SLC2A9: variants seen among roughly 807,000 people sequenced by gnomAD.
SLC2A9 encodes the protein solute carrier family 2, facilitated glucose transporter member 9.
SLC2A9 carries 39 observed loss-of-function variants against 50.6 expected under a neutral mutation model. The ratio of observed to expected loss-of-function variants is 0.77; its 90% CI spans 0.60 to 1.01. SLC2A9 has a LOEUF of 1.01. SLC2A9 is among the 50% of genes least tolerant of loss of function. SLC2A9 has a pLI of 0.00. For missense variants in SLC2A9, 686 were observed against 677.6 expected, an observed-to-expected ratio of 1.01 and a Z score of -0.14; for synonymous variants, 324 against 276.9, an observed-to-expected ratio of 1.17 and a Z score of -1.69.
intron 1 of SLC2A9, among the ~76,000 whole-genome samples, chr4:10,031,553 C>T (rs528326960): frequency 3.9e-5 from 6 of 152,324 alleles, no homozygotes; most frequent in African/African-American, 1.4e-4. Context: ...GAGTCTTTGA[C>T]GGCTTCCAAA....
At chr4:9,967,546 A>T (rs1019633422) in intron 5 of SLC2A9, among the ~76,000 whole-genome samples, 2 of 152,092 alleles carry the variant, frequency 1.3e-5, no homozygotes, top group African/African-American at 2.4e-5. Context: ...GTTTTTAATT[A>T]AAAAATTATA....
intron 10 of SLC2A9, among the ~76,000 whole-genome samples, chr4:9,856,347 A>T (rs1479059597): frequency 6.6e-6 from 1 of 152,234 alleles, no homozygotes; most frequent in Non-Finnish European, 1.5e-5. Flanking sequence ...ACACGCAACC[A>T]ACAATAATAA....
intron 8 of SLC2A9, among the ~76,000 whole-genome samples, chr4:9,897,414 A>G (rs897092941): frequency 9.9e-5 from 15 of 152,132 alleles, no homozygotes; most frequent in African/African-American, 2.9e-4. Context: ...CTAATCTCCT[A>G]TTCCCTAGAA....
At chr4:9,836,680 C>A (rs1727163991) in intron 10 of SLC2A9, among the ~76,000 whole-genome samples, 1 of 152,198 alleles carries the variant, frequency 6.6e-6, no homozygotes, top group Non-Finnish European at 1.5e-5. Context: ...TTGAAGAAAA[C>A]CACTTTGGGC....
chr4:9,987,411 C>A (rs1057148490), intron 3 of SLC2A9, among the ~76,000 whole-genome samples: 1 of 152,190 alleles, frequency 6.6e-6, no homozygotes, highest in East Asian at 1.9e-4. Flanking sequence ...TGAGCCACTG[C>A]GTCCGGCCTA....
intron 7 of SLC2A9, among the ~76,000 whole-genome samples, chr4:9,917,826 T>C (rs375440441): frequency 8.6e-4 from 131 of 152,298 alleles, no homozygotes; most frequent in African/African-American, 2.8e-3. Context: ...TACTGGTACC[T>C]AATGGGAAGA....
intron 7 of SLC2A9, among the ~76,000 whole-genome samples, chr4:9,917,545 G>C (rs572609908): frequency 1.3e-5 from 2 of 150,826 alleles, no homozygotes; most frequent in African/African-American, 2.4e-5. Flanking sequence ...TGGCCAGGAT[G>C]GTCTCAAACT....
rs988062308 is a variant in SLC2A9, at chr4:9,920,429, C to A, written c.958G>T (p.Val320Leu). Residue 320 changes from valine to leucine, a missense_variant, in exon 7 of 12, where the codon GTG (valine) becomes TTG (leucine). Coordinates refer to ENST00000264784, the MANE Select transcript of SLC2A9 (RefSeq NM_020041.3). Reference sequence around the variant, plus strand: ...TGGTAGCAGGCCATGGTGACAATCACGGTGACCACCTGCCAGCGGACGTAG... The same window carrying A: ...TGGTAGCAGGCCATGGTGACAATCAAGGTGACCACCTGCCAGCGGACGTAG... ...APYVRWQVVT[V>L]IVTMACYQLC... is the part of the protein sequence containing the mutation. The A allele has an allele frequency of 6.2e-7, 1 of 1,614,068 alleles. No individual in the cohort carries two copies. Among genetic ancestry groups the A allele is most frequent in the South Asian group, 1.1e-5 (1 of 91,080 alleles).
chr4:10,015,296 G>C (rs981261862), intron 2 of SLC2A9, among the ~76,000 whole-genome samples: 16 of 152,348 alleles, frequency 1.1e-4, no homozygotes, highest in Non-Finnish European at 2.1e-4. Context: ...CCTGCCATTA[G>C]TGGTCAGGGG....
At chr4:9,998,311 T>C (rs755478119) in intron 2 of SLC2A9, among the ~76,000 whole-genome samples, 3 of 148,934 alleles carry the variant, frequency 2.0e-5, no homozygotes, top group East Asian at 2.0e-4. Flanking sequence ...TTCAGGTCGC[T>C]CAGACCTGGG....
chr4:9,942,602 G>T (rs1342356710), intron 5 of SLC2A9, among the ~76,000 whole-genome samples: 1 of 152,192 alleles, frequency 6.6e-6, no homozygotes, highest in African/African-American at 2.4e-5. Flanking sequence ...TACCCCTTAG[G>T]GAGAGGAGGC....
chr4:9,926,850 C>T (rs947788152), intron 6 of SLC2A9, among the ~76,000 whole-genome samples: 9 of 152,182 alleles, frequency 5.9e-5, no homozygotes, highest in Non-Finnish European at 1.2e-4. Context: ...GATAGATACA[C>T]ACAGGGAAGG....
chr4:9,824,420 A>G (rs924597982), downstream of SLC2A9, among the ~76,000 whole-genome samples: 1 of 152,242 alleles, frequency 6.6e-6, no homozygotes, highest in Non-Finnish European at 1.5e-5. Context: ...AAATAAAATA[A>G]CATGTAAGAA....
chr4:9,886,623 C>T (rs535426108), intron 10 of SLC2A9, among the ~76,000 whole-genome samples: 7 of 152,196 alleles, frequency 4.6e-5, no homozygotes, highest in African/African-American at 9.6e-5. Context: ...TAATGGCTTA[C>T]GAGAATCAGC....
chr4:9,817,963 G>A (rs1482211035), intron 3 of SLC2A9, among the ~76,000 whole-genome samples: 1 of 152,178 alleles, frequency 6.6e-6, no homozygotes, highest in African/African-American at 2.4e-5. Flanking sequence ...ATTGACCAGT[G>A]AGTACGTGGC....
At chr4:9,909,959 A>G (rs1741396519) in intron 7 of SLC2A9, among the ~76,000 whole-genome samples, 1 of 152,224 alleles carries the variant, frequency 6.6e-6, no homozygotes, top group Non-Finnish European at 1.5e-5. Context: ...TCTTGTTTCT[A>G]TAGATCTGTT....
chr4:9,928,927 G>A (rs866280174), intron 6 of SLC2A9, among the ~76,000 whole-genome samples: 74 of 152,294 alleles, frequency 4.9e-4, no homozygotes, highest in African/African-American at 1.6e-3. Context: ...GACAGTGGTT[G>A]ATACTAAGGA....
At chr4:9,982,523 G>T (rs1756055353) in intron 4 of SLC2A9, among the ~76,000 whole-genome samples, 1 of 152,160 alleles carries the variant, frequency 6.6e-6, no homozygotes, top group African/African-American at 2.4e-5. Flanking sequence ...TTTTAGTTAA[G>T]GAAATTCAGA....
chr4:9,880,200 G>T, intron 10 of SLC2A9: 1 of 985,468 alleles, frequency 1.0e-6, no homozygotes, highest in Non-Finnish European at 1.2e-6. Context: ...AGACAGGTAA[G>T]TTCCCTGAGG....
Sources: gnomAD v4.1 joint callset for allele counts (sites outside exome capture counted in the v4.1 genomes callset) on GRCh38, gnomAD v4.1.1 for gene constraint, MANE v1.5 for transcripts, NCBI Gene and HGNC (gene_info 2026-07-23, HGNC 2026-07-21) for gene names.